LRRC4C: variants seen among roughly 807,000 people sequenced by gnomAD.
LRRC4C encodes leucine-rich repeat-containing protein 4C.
A neutral mutation model predicts 33.6 loss-of-function variants in LRRC4C; 5 were observed. The ratio of observed to expected loss-of-function variants is 0.15; its 90% CI spans 0.08 to 0.31. LRRC4C has a LOEUF of 0.31. Ranked by LOEUF, LRRC4C falls within the 10% of genes least tolerant of loss-of-function variation. LRRC4C has a pLI of 1.00. For synonymous variants in LRRC4C, 329 were observed against 302.0 expected, an observed-to-expected ratio of 1.09 and a Z score of -0.93; for missense variants, 560 against 796.7, an observed-to-expected ratio of 0.70 and a Z score of 3.58.
chr11:40,478,647 CTCG>C (rs1953378206), intron 3 of LRRC4C, among the ~76,000 whole-genome samples: 1 of 152,180 alleles, frequency 6.6e-6, no homozygotes, highest in Non-Finnish European at 1.5e-5. Context: ...TACCCATTAA[CTCG>C]TCATTTACAT....
At chr11:40,934,276 C>A (rs2136497027) in intron 1 of LRRC4C, among the ~76,000 whole-genome samples, 1 of 152,200 alleles carries the variant, frequency 6.6e-6, no homozygotes, top group Middle Eastern at 3.4e-3. Flanking sequence ...CAAAACTAAT[C>A]TCTACCTCAT....
rs182362864 is a variant in LRRC4C at position 40,730,594 on chromosome 11, C to A, written c.-406-82316G>T. Among the ~76,000 whole-genome samples the A allele has an allele frequency of 1.7e-4, 26 of 152,098 alleles. No homozygotes were observed. The East Asian group carries it at 4.7e-3, about 27-fold the overall frequency. On this transcript the variant is annotated intron_variant, in intron 2 of 6. Coordinates refer to ENST00000528697, the MANE Select transcript of LRRC4C (RefSeq NM_001258419.2). ...AATAATTTTAAAATAGTGCAAGAAC[C>A]CAGTTATTCTAATGTCTGGTCCAAC...
At chr11:40,280,557 C>A (rs890689353) in intron 4 of LRRC4C, among the ~76,000 whole-genome samples, 2 of 152,116 alleles carry the variant, frequency 1.3e-5, no homozygotes, top group African/African-American at 4.8e-5. Flanking sequence ...AAAGGAGAGG[C>A]AGCAGCATAG....
chr11:41,158,914 C>A (rs896614246), intron 1 of LRRC4C, among the ~76,000 whole-genome samples: 7 of 152,006 alleles, frequency 4.6e-5, no homozygotes, highest in African/African-American at 1.2e-4. Context: ...TGATCTTATC[C>A]CATAAGACAG....
At chr11:41,427,906 C>A (rs960697518) in intron 1 of LRRC4C, among the ~76,000 whole-genome samples, 14 of 152,224 alleles carry the variant, frequency 9.2e-5, no homozygotes, top group Middle Eastern at 3.4e-3. Context: ...AAAGCTCCCC[C>A]ACTGAGCACC....
At chr11:40,616,603 C>G (rs1325645819) in intron 3 of LRRC4C, among the ~76,000 whole-genome samples, 1 of 151,784 alleles carries the variant, frequency 6.6e-6, no homozygotes, top group African/African-American at 2.4e-5. Context: ...AGTTCATGTC[C>G]TTTGTAGGGA....
chr11:40,392,795 T>C (rs559790294), intron 3 of LRRC4C, among the ~76,000 whole-genome samples: 1 of 152,292 alleles, frequency 6.6e-6, no homozygotes, highest in African/African-American at 2.4e-5. Flanking sequence ...TATCATGTTC[T>C]AATGGGAGAC....
intron 2 of LRRC4C, among the ~76,000 whole-genome samples, chr11:40,774,843 T>A (rs1949915905): frequency 6.6e-6 from 1 of 152,150 alleles, no homozygotes; most frequent in African/African-American, 2.4e-5. Flanking sequence ...TCTACGGCTT[T>A]AATAGAGTCC....
At chr11:40,571,663 T>A (rs1957988375) in intron 3 of LRRC4C, among the ~76,000 whole-genome samples, 1 of 152,184 alleles carries the variant, frequency 6.6e-6, no homozygotes, top group Non-Finnish European at 1.5e-5. Flanking sequence ...TCTAAAACAA[T>A]ATCTGATCCT....
intron 4 of LRRC4C, 36 bp from the exon 5 acceptor site, chr11:40,241,634 G>A (rs1680161933): frequency 6.6e-6 from 1 of 152,062 alleles, no homozygotes; most frequent in Admixed American, 6.6e-5. Flanking sequence ...GATGATGTAA[G>A]AGTCCCATAC....
intron 3 of LRRC4C, among the ~76,000 whole-genome samples, chr11:40,521,734 TG>T (rs1026608560): frequency 6.6e-6 from 1 of 152,062 alleles, no homozygotes; most frequent in African/African-American, 2.4e-5. Flanking sequence ...CTGGGCATTG[TG>T]GTGTGCGCCT....
chr11:40,821,166 G>T (rs1951912274), intron 2 of LRRC4C, among the ~76,000 whole-genome samples: 1 of 151,546 alleles, frequency 6.6e-6, no homozygotes. Context: ...TATAAATGGA[G>T]ATGTATTTCA....
At chr11:41,263,442 C>T (rs1246008715) in intron 1 of LRRC4C, among the ~76,000 whole-genome samples, 2 of 152,184 alleles carry the variant, frequency 1.3e-5, no homozygotes, top group Middle Eastern at 3.4e-3. Flanking sequence ...TCTGTAAAAG[C>T]CCTCTATTAA....
intron 1 of LRRC4C, among the ~76,000 whole-genome samples, chr11:41,201,167 G>T (rs1351336619): frequency 6.6e-6 from 1 of 152,180 alleles, no homozygotes; most frequent in African/African-American, 2.4e-5. Context: ...GGCCTGTATG[G>T]TGGGTTGAAA....
intron 5 of LRRC4C, among the ~76,000 whole-genome samples, chr11:40,161,519 C>T (rs890174763): frequency 7.2e-5 from 11 of 152,148 alleles, no homozygotes; most frequent in African/African-American, 2.4e-4. Context: ...TTTGGGAGGC[C>T]GAGGCGGGCA....
chr11:41,020,727 C>T (rs1855900687), intron 1 of LRRC4C, among the ~76,000 whole-genome samples: 1 of 152,126 alleles, frequency 6.6e-6, no homozygotes, highest in African/African-American at 2.4e-5. Context: ...TTTAAAAAGC[C>T]ACAAGAAACT....
At chr11:40,328,631 C>T (rs1456749753) in intron 3 of LRRC4C, among the ~76,000 whole-genome samples, 1 of 152,128 alleles carries the variant, frequency 6.6e-6, no homozygotes, top group Non-Finnish European at 1.5e-5. Flanking sequence ...TTGTACATTT[C>T]CTGAGGATTT....
intron 3 of LRRC4C, chr11:40,351,743 C>T (rs1005390972): frequency 5.8e-5 from 8 of 139,004 alleles, no homozygotes. Flanking sequence ...ATCATTATAT[C>T]CTCTTGCTGA....
rs539098426 is a variant in LRRC4C, at chr11:41,209,081, A to C, written c.-496+250350T>G. Among the ~76,000 whole-genome samples, 11 of 152,050 alleles carry C rather than the reference A, an allele frequency of 7.2e-5. No homozygotes were observed. The East Asian group carries it at 2.1e-3, about 29-fold the overall frequency. On this transcript the variant is annotated intron_variant, in intron 1 of 6. Coordinates refer to ENST00000528697, the MANE Select transcript of LRRC4C (RefSeq NM_001258419.2). ...GGAGGAAGAGGTTCAGAAAGAAAAA[A>C]AAAAAAACCCGTTAGGTACTAAGCA...
Sources: allele counts gnomAD v4.1 joint callset (sites outside exome capture counted in the v4.1 genomes callset), GRCh38; gene constraint gnomAD v4.1.1; transcripts MANE v1.5; gene names NCBI Gene and HGNC (gene_info 2026-07-23, HGNC 2026-07-21).